The following COL1A2 variants were observed in gnomAD, a reference collection of about 807,000 sequenced individuals.
COL1A2 encodes collagen alpha-2(I) chain.
Under a neutral mutation model 174.3 loss-of-function variants are expected in COL1A2, and 49 were observed. The observed-to-expected ratio is 0.28, with a 90% confidence interval of 0.22 to 0.36. The LOEUF (loss-of-function observed/expected upper bound fraction) is 0.36. Ranked by LOEUF, COL1A2 falls within the 10% of genes least tolerant of loss-of-function variation. The pLI, the probability that COL1A2 is intolerant of heterozygous loss-of-function variation, is 1.00. For synonymous variants in COL1A2, 655 were observed against 606.6 expected (o/e 1.08, Z -1.17); for missense variants, 1,438 against 1,822.7 (o/e 0.79, Z 3.84).
chr7:94,399,032 T>A lies in COL1A2; in HGVS notation c.97-17T>A. ...TCTTAGGCATTTATTATTGTCCTGTTTGTATCTTTCCTGTAGGGCCCAGCC... is the reference window on the plus strand; with the variant it reads ...TCTTAGGCATTTATTATTGTCCTGTATGTATCTTTCCTGTAGGGCCCAGCC... On this transcript the variant is annotated splice_polypyrimidine_tract_variant and intron_variant, in intron 3 of 51. Coordinates refer to ENST00000297268, the MANE Select transcript of COL1A2 (RefSeq NM_000089.4). 1 of 1,612,964 alleles carries A rather than the reference T, an allele frequency of 6.2e-7. No individual in the cohort carries two copies.
chr7:94,422,672 T>C, intron 39 of COL1A2: 2 of 435,452 alleles, frequency 4.6e-6, no homozygotes, highest in Non-Finnish European at 8.5e-6. Flanking sequence ...ATAGTTCTGA[T>C]TCCAATATGC....
chr7:94,421,418 T>G (rs1792159835), intron 38 of COL1A2: 2 of 394,226 alleles, frequency 5.1e-6, no homozygotes, highest in Admixed American at 4.1e-5. Context: ...GACCCAGAGC[T>G]CCCCAAAAAT....
intron 31 of COL1A2, chr7:94,416,761 C>T (rs1440740548): frequency 4.1e-6 from 2 of 492,646 alleles, no homozygotes; most frequent in African/African-American, 1.9e-5. Context: ...ACTCTTTTCT[C>T]CTCACGCTGT....
chr7:94,431,028 A>C lies in COL1A2; in HGVS notation c.*635A>C, dbSNP rs1792391426. The C allele has an allele frequency of 8.8e-6, 1 of 114,134 alleles. No individual in the cohort carries two copies. Among genetic ancestry groups the C allele is most frequent in the South Asian group, 3.5e-4 (1 of 2,822 alleles). The allele number at this position is 114,134 out of a possible 1,614,324, so 7.1% of individuals were successfully genotyped here. On this transcript the variant is annotated 3_prime_UTR_variant, in exon 52 of 52. Transcript: ENST00000297268. ...TTCCATCTTATTCCCAATTAAAAGT[A>C]TGCAGATTATTTGCCCAAATCTTCT...
chr7:94,416,595 T>C, intron 31 of COL1A2, 92 bp downstream of exon 31: 1 of 998,138 alleles, frequency 1.0e-6, no homozygotes, highest in Non-Finnish European at 1.5e-6. Flanking sequence ...GTTTTTCAGA[T>C]TTTTATTTAT....
Position 94,407,791 on chromosome 7 carries a change from T to C in COL1A2, c.595-56T>C, listed in dbSNP as rs1250860380. The C allele has an allele frequency of 2.0e-6, 3 of 1,515,790 alleles. No homozygotes were observed. In the African/African-American group the frequency reaches 4.1e-5, roughly 21 times the overall value. 93.9% of individuals were successfully genotyped at this position (1,515,790 alleles called of 1,614,324 possible). A position where few individuals can be genotyped will look rare whatever the true frequency, so the allele number is the denominator to read the frequency against. On this transcript the variant is annotated intron_variant, in intron 12 of 51. Transcript: ENST00000297268. ...AAAAAAATAGAGTAAAATTGCACTA[T>C]CAGGAAAAATAATTGTTATATTTAA...
intron 1 of COL1A2, chr7:94,395,310 C>A: frequency 1.5e-6 from 1 of 673,110 alleles, no homozygotes; most frequent in Admixed American, 1.9e-5. Context: ...AGTTAGGGAA[C>A]TTTTCCTCTA....
chr7:94,427,971 T>A (rs1792317801), intron 49 of COL1A2, 86 bp downstream of exon 49: 2 of 1,400,434 alleles, frequency 1.4e-6, no homozygotes, highest in East Asian at 2.4e-5. Flanking sequence ...AGAGTGAAAA[T>A]GCATTTGGGT....
rs1281916738 is a variant in COL1A2, at chr7:94,401,611, T to C, written c.270T>C (p.Pro90=). 6.3e-7 allele frequency: 1 copy of C among 1,589,024 alleles called. No individual in the cohort carries two copies. Among genetic ancestry groups the C allele is most frequent in the Middle Eastern group, 1.9e-4 (1 of 5,188 alleles). Residue 90 remains proline (P), a synonymous_variant, in exon 6 of 52, where the codon CCT becomes CCC. Transcript: ENST00000297268. ...ATGGAAAAGGAGTTGGACTTGGCCC[T>C]GGACCAATGGTATGCTTATCTGTTT... ...QYDGKGVGLG[P]GPMGLMGPRG...
intron 23 of COL1A2, among the ~76,000 whole-genome samples, chr7:94,411,658 A>T (rs939120394): frequency 5.9e-5 from 9 of 152,352 alleles, no homozygotes; most frequent in Admixed American, 3.9e-4. Context: ...ATTGCCTCTT[A>T]TGGGTGAATA....
At chr7:94,403,809 G>A (rs1194757368) in intron 6 of COL1A2, among the ~76,000 whole-genome samples, 1 of 152,134 alleles carries the variant, frequency 6.6e-6, no homozygotes, top group Non-Finnish European at 1.5e-5. Flanking sequence ...ACTGATTACT[G>A]CAAAGAGGAG....
rs1457989108 is a variant in COL1A2, at chr7:94,405,188, T to C, written c.433-11T>C. 1 of 1,613,806 alleles carries C rather than the reference T, an allele frequency of 6.2e-7. No homozygotes were observed. Among genetic ancestry groups the C allele is most frequent in the East Asian group, 2.2e-5 (1 of 44,870 alleles). On this transcript the variant is annotated splice_polypyrimidine_tract_variant and intron_variant, in intron 9 of 51. Coordinates refer to ENST00000297268, the MANE Select transcript of COL1A2 (RefSeq NM_000089.4). ...AAGAAGAAGTTGACTCTACAATGTT[T>C]TCATGTTTAGGGTCACCCTGGAAAA... is the stretch of plus-strand genomic sequence containing the variant.
At chr7:94,406,380 C>T (rs1791797908) in intron 12 of COL1A2, 77 bp downstream of exon 12, 1 of 1,263,444 alleles carries the variant, frequency 7.9e-7, no homozygotes, top group African/African-American at 1.5e-5. Flanking sequence ...GTATATTATA[C>T]TGAAGACTAC....
chr7:94,427,154 C>T lies in COL1A2; in HGVS notation c.3160-34C>T, dbSNP rs1386584695. 6.2e-6 allele frequency: 10 copies of T among 1,611,360 alleles called. No individual in the cohort carries two copies. The Admixed American group carries it at 1.7e-4, about 27-fold the overall frequency. On this transcript the variant is annotated intron_variant, in intron 47 of 51. Transcript: ENST00000297268. ...CTGCTGCTCCCTTGGTGGGATTCAC[C>T]AGCTCACATGTACCTGGTGTCTGTC...
Position 94,427,628 on chromosome 7 carries a change from G to C in COL1A2, c.3269G>C (p.Gly1090Ala). 1.2e-6 allele frequency: 2 copies of C among 1,613,998 alleles called. No homozygotes were observed. Among genetic ancestry groups the C allele is most frequent in the Non-Finnish European group, 8.5e-7 (1 of 1,179,978 alleles). The part of the protein sequence containing the change: ...RGPQGHQGPA[G>A]PPGPPGPPGP... ...CCTATCTCACTTTCACCTTTGCAGG[G>C]CCCCCCTGGTCCCCCTGGCCCTCCT... Residue 1090 changes from glycine (G) to alanine (A), a missense_variant and splice_region_variant, in exon 49 of 52, where the codon GGC (glycine) becomes GCC (alanine). By Grantham distance (60) the Gly-to-Ala change is moderately conservative. Around this residue, in one of 3 missense-constraint regions of COL1A2, gnomAD observed 867 missense variants for 1,213.7 expected, o/e 0.71. Coordinates refer to ENST00000297268, the MANE Select transcript of COL1A2 (RefSeq NM_000089.4).
At chr7:94,425,295 C>G in intron 42 of COL1A2, 71 bp downstream of exon 42, 1 of 1,377,886 alleles carries the variant, frequency 7.3e-7, no homozygotes, top group Non-Finnish European at 1.0e-6. Flanking sequence ...ATGTCCTGAG[C>G]TGAGGTTCTC....
intron 6 of COL1A2, 78 bp from the exon 7 acceptor site, chr7:94,404,478 A>ACAATG (rs1791752700): frequency 1.4e-6 from 2 of 1,445,456 alleles, no homozygotes; most frequent in Non-Finnish European, 1.9e-6. Flanking sequence ...GGCACTGCTA[A>ACAATG]GTTGGTCATA....
chr7:94,414,211 T>G lies in COL1A2; in HGVS notation c.1666-11T>G, dbSNP rs1419979896. The G allele has an allele frequency of 1.2e-6, 2 of 1,613,776 alleles. No homozygotes were observed. Among genetic ancestry groups the G allele is most frequent in the Admixed American group, 3.3e-5 (2 of 59,998 alleles). On this transcript the variant is annotated splice_polypyrimidine_tract_variant and intron_variant, in intron 28 of 51. Coordinates refer to ENST00000297268, the MANE Select transcript of COL1A2 (RefSeq NM_000089.4). ...CATGGGATTGAGATTTGTATTTCTT[T>G]TCATTTTTAGGGTCTGCCTGGCCCC...
chr7:94,412,928 T>A (rs540892486), intron 25 of COL1A2, among the ~76,000 whole-genome samples, 155 bp from the exon 26 acceptor site: 1 of 152,320 alleles, frequency 6.6e-6, no homozygotes, highest in Non-Finnish European at 1.5e-5. Context: ...TGGAGCTGCA[T>A]GGTGATGGAT....
Sources: allele counts gnomAD v4.1 joint callset (sites outside exome capture counted in the v4.1 genomes callset), GRCh38; gene constraint gnomAD v4.1.1; regional missense constraint gnomAD v4.1.1; transcripts MANE v1.5; gene names NCBI Gene and HGNC (gene_info 2026-07-23, HGNC 2026-07-21).